The following TRPC7 variants were observed in gnomAD, a reference collection of about 807,000 sequenced individuals.
TRPC7 encodes the protein transient receptor potential cation channel subfamily C member 7.
A neutral mutation model predicts 90.1 loss-of-function variants in TRPC7; 42 were observed. That is an observed-to-expected ratio of 0.47 (90% CI 0.36 to 0.60). The LOEUF (loss-of-function observed/expected upper bound fraction) is 0.60, where lower values mean the gene tolerates loss of function less well. Ranked by LOEUF, TRPC7 falls within the 20% of genes least tolerant of loss-of-function variation. The probability of loss-of-function intolerance (pLI) is 0.00; values close to 1 mark genes in which losing one functional copy is unlikely to be tolerated. For synonymous variants in TRPC7, 451 were observed against 436.3 expected (o/e 1.03, Z -0.42); for missense variants, 955 against 1,112.3 (o/e 0.86, Z 2.01).
intron 2 of TRPC7, among the ~76,000 whole-genome samples, chr5:136,320,851 C>T (rs1759175697): frequency 6.6e-6 from 1 of 152,160 alleles, no homozygotes; most frequent in Non-Finnish European, 1.5e-5. Flanking sequence ...AAGTGTGGCT[C>T]CTCCACTCCT....
chr5:136,347,284 A>G (rs1316836757), intron 2 of TRPC7, among the ~76,000 whole-genome samples: 1 of 152,180 alleles, frequency 6.6e-6, no homozygotes, highest in Non-Finnish European at 1.5e-5. Flanking sequence ...TCAATTGAGT[A>G]TTTGCCAAAT....
chr5:136,271,258 G>A (rs1757203076), intron 4 of TRPC7, among the ~76,000 whole-genome samples: 1 of 152,150 alleles, frequency 6.6e-6, no homozygotes, highest in Non-Finnish European at 1.5e-5. Flanking sequence ...AGTTCCTCCT[G>A]CCTGAGTCCT....
At chr5:136,363,658 G>A (rs764944182) in intron 1 of TRPC7, among the ~76,000 whole-genome samples, 4 of 151,938 alleles carry the variant, frequency 2.6e-5, no homozygotes, top group African/African-American at 7.2e-5. Context: ...TTGCATCTTG[G>A]AATAAAAATA....
intron 3 of TRPC7, among the ~76,000 whole-genome samples, chr5:136,312,450 G>T (rs1580940909): frequency 6.6e-6 from 1 of 152,060 alleles, no homozygotes; most frequent in African/African-American, 2.4e-5. Context: ...AGTTTCTAGA[G>T]CATTTCCTCT....
intron 2 of TRPC7, among the ~76,000 whole-genome samples, chr5:136,349,765 C>A (rs547913552): frequency 1.3e-5 from 2 of 152,262 alleles, no homozygotes; most frequent in African/African-American, 2.4e-5. Context: ...GTGGAGAAAA[C>A]AAGTATTCCA....
chr5:136,273,708 C>T (rs1185739331), intron 4 of TRPC7, among the ~76,000 whole-genome samples: 3 of 152,202 alleles, frequency 2.0e-5, no homozygotes, highest in African/African-American at 7.2e-5. Flanking sequence ...GAACTAATCT[C>T]CCTGTAGTCA....
At chr5:136,285,065 G>T (rs1214894474) in intron 3 of TRPC7, among the ~76,000 whole-genome samples, 1 of 152,202 alleles carries the variant, frequency 6.6e-6, no homozygotes. Flanking sequence ...TGTTATTATT[G>T]CTGTTACTAC....
intron 4 of TRPC7, among the ~76,000 whole-genome samples, chr5:136,272,625 A>AC (rs1757242815): frequency 6.6e-6 from 1 of 152,142 alleles, no homozygotes; most frequent in Admixed American, 6.5e-5. Context: ...CACAGAAGTG[A>AC]CAAGTGGCTT....
At chr5:136,262,349 C>T (rs906491612) in intron 5 of TRPC7, among the ~76,000 whole-genome samples, 3 of 152,194 alleles carry the variant, frequency 2.0e-5, no homozygotes, top group Non-Finnish European at 4.4e-5. Context: ...TCCTTGAACA[C>T]GTCCAGCTTG....
intron 3 of TRPC7, among the ~76,000 whole-genome samples, chr5:136,302,404 G>C (rs763066697): frequency 1.3e-5 from 2 of 152,054 alleles, no homozygotes; most frequent in Non-Finnish European, 2.9e-5. Flanking sequence ...CACCCTTAGC[G>C]GCAAGTCCCG....
At chr5:136,349,775 A>G (rs1236244212) in intron 2 of TRPC7, among the ~76,000 whole-genome samples, 1 of 152,194 alleles carries the variant, frequency 6.6e-6, no homozygotes, top group Non-Finnish European at 1.5e-5. Context: ...CAAGTATTCC[A>G]GTTTGGTCAA....
intron 2 of TRPC7, among the ~76,000 whole-genome samples, chr5:136,343,928 G>A (rs542352738): frequency 6.6e-6 from 1 of 152,272 alleles, no homozygotes; most frequent in Admixed American, 6.5e-5. Flanking sequence ...GCATTATTGT[G>A]TATATACCCA....
chr5:136,296,112 TGTG>T (rs887975893), intron 3 of TRPC7, among the ~76,000 whole-genome samples: 1 of 152,054 alleles, frequency 6.6e-6, no homozygotes, highest in African/African-American at 2.4e-5. Flanking sequence ...ATATTTGTGG[TGTG>T]GTGTGGTATG....
chr5:136,255,273 A>T (rs1285154360), intron 5 of TRPC7, among the ~76,000 whole-genome samples: 1 of 152,180 alleles, frequency 6.6e-6, no homozygotes, highest in Non-Finnish European at 1.5e-5. Context: ...CTACAGAGAG[A>T]TCTTTAGTGA....
chr5:136,238,152 C>T (rs1292398579), intron 7 of TRPC7, among the ~76,000 whole-genome samples: 8 of 152,242 alleles, frequency 5.3e-5, no homozygotes, highest in Admixed American at 2.6e-4. Context: ...ATGTGCTCCA[C>T]GAGACCTTCT....
At chr5:136,329,063 A>G (rs1442084581) in intron 2 of TRPC7, among the ~76,000 whole-genome samples, 6 of 152,174 alleles carry the variant, frequency 3.9e-5, no homozygotes, top group Non-Finnish European at 8.8e-5. Context: ...TTGGTCTCCA[A>G]TCTTGTTTTT....
In TRPC7 at chr5:136,231,459, G is replaced by T; in HGVS notation, c.1935C>A (p.Ile645=). 1 of 1,612,732 alleles carries T rather than the reference G, an allele frequency of 6.2e-7. No individual in the cohort carries two copies. The highest frequency in any genetic ancestry group is 1.1e-5 in the South Asian group (1 of 90,746). Residue 645 remains isoleucine (I), a synonymous_variant, in exon 8 of 12, where the codon ATC becomes ATA. Transcript: ENST00000513104. ...CGTAGAGAACGTAGCCAATGTTCTC[G>T]ATGAATTTGTGGTCGTATTTCAGCA... ...SVVLKYDHKF[I]ENIGYVLYGV... is the part of the protein sequence containing the mutation.
intron 2 of TRPC7, among the ~76,000 whole-genome samples, chr5:136,335,214 A>G (rs1172172287): frequency 6.6e-6 from 1 of 152,050 alleles, no homozygotes; most frequent in Admixed American, 6.5e-5. Flanking sequence ...TCCAACCTCA[A>G]ACTGTATTCT....
At position 136,266,232 on chromosome 5, in the gene TRPC7, T is replaced by G; in HGVS notation, c.1333A>C (p.Lys445Gln). The change falls in exon 5 of 12, where the codon AAG becomes CAG. Residue 445 changes from lysine to glutamine, a missense_variant. By Grantham distance (53) the Lys-to-Gln change is moderately conservative (BLOSUM62 1). Around this residue, in one of 4 missense-constraint regions of TRPC7, gnomAD observed 484 missense variants for 509.6 expected, o/e 0.95. Transcript: ENST00000513104. ...GTGACTTGCTTACCTAAGACCCACT[T>G]CATAATGAGCATTTCTGTCCAGGAG... Reference protein sequence around the residue: ...QFSWTEMLIMKWVLGMIWSEC... With the variant: ...QFSWTEMLIMQWVLGMIWSEC... The G allele has an allele frequency of 6.2e-7, 1 of 1,613,806 alleles. No homozygotes were observed. The highest frequency in any genetic ancestry group is 1.1e-5 in the South Asian group (1 of 91,084).
Sources: gnomAD v4.1 joint callset for allele counts (sites outside exome capture counted in the v4.1 genomes callset) on GRCh38, gnomAD v4.1.1 for gene constraint, gnomAD v4.1.1 regional missense constraint, MANE v1.5 for transcripts, NCBI Gene and HGNC (gene_info 2026-07-23, HGNC 2026-07-21) for gene names.